NAALADL2: variants seen among roughly 807,000 people sequenced by gnomAD.
NAALADL2 encodes the protein inactive N-acetylated-alpha-linked acidic dipeptidase-like protein 2.
In NAALADL2, 76 loss-of-function variants were observed where a neutral mutation model predicts 87.2. The ratio of observed to expected loss-of-function variants is 0.87; its 90% CI spans 0.72 to 1.05. NAALADL2 has a LOEUF of 1.05. Ranked by LOEUF, NAALADL2 falls within the 50% of genes least tolerant of loss-of-function variation. The pLI, the probability that NAALADL2 is intolerant of heterozygous loss-of-function variation, is 0.00. For synonymous variants in NAALADL2, 354 were observed against 331.0 expected, an observed-to-expected ratio of 1.07 and a Z score of -0.75; for missense variants, 1,089 against 945.8, an observed-to-expected ratio of 1.15 and a Z score of -1.99.
intron 1 of NAALADL2, among the ~76,000 whole-genome samples, chr3:174,449,194 T>C (rs1715289473): frequency 6.6e-6 from 1 of 152,184 alleles, no homozygotes; most frequent in Admixed American, 6.5e-5. Context: ...GTGACTAATC[T>C]TTGTGTATGT....
At position 175,267,473 on chromosome 3, in the gene NAALADL2, A is replaced by G. The variant is rs566031155; in HGVS notation, c.939+10943A>G. ...ACTCAGAGCTCCCCAAACCTTCTTCAGTTTTGAGTAATGCCTGACTCATAG... is the reference window on the plus strand; with the variant it reads ...ACTCAGAGCTCCCCAAACCTTCTTCGGTTTTGAGTAATGCCTGACTCATAG... On this transcript the variant is annotated intron_variant, in intron 4 of 13. Coordinates refer to ENST00000454872, the MANE Select transcript of NAALADL2 (RefSeq NM_207015.3). Among the ~76,000 whole-genome samples, 52 of 152,232 alleles carry G rather than the reference A, an allele frequency of 3.4e-4. 1 individual carries two copies. The highest frequency in any genetic ancestry group is 1.2e-3 in the African/African-American group (49 of 41,564).
chr3:175,131,495 A>C (rs1337942456), intron 2 of NAALADL2, among the ~76,000 whole-genome samples: 2 of 152,178 alleles, frequency 1.3e-5, no homozygotes, highest in African/African-American at 2.4e-5. Context: ...ACAGGATAAT[A>C]ATTTTTCTTA....
intron 9 of NAALADL2, among the ~76,000 whole-genome samples, chr3:175,567,414 T>A (rs2149530982): frequency 6.6e-6 from 1 of 152,162 alleles, no homozygotes; most frequent in South Asian, 2.1e-4. Context: ...CTTAAAGCAC[T>A]CATTAGTACA....
chr3:175,640,297 G>A (rs1729110175), intron 11 of NAALADL2, among the ~76,000 whole-genome samples: 1 of 152,102 alleles, frequency 6.6e-6, no homozygotes, highest in Non-Finnish European at 1.5e-5. Context: ...AGTGATTTAA[G>A]CATGAGAGAC....
chr3:174,969,082 G>A (rs1743263682), intron 1 of NAALADL2, among the ~76,000 whole-genome samples: 1 of 152,128 alleles, frequency 6.6e-6, no homozygotes, highest in Non-Finnish European at 1.5e-5. Context: ...GGCTCTGACT[G>A]TAACACAGGT....
intron 1 of NAALADL2, among the ~76,000 whole-genome samples, chr3:174,933,131 G>C (rs978049357): frequency 3.3e-5 from 5 of 152,082 alleles, no homozygotes; most frequent in Non-Finnish European, 5.9e-5. Context: ...AAGAAAAATT[G>C]TAATAGAAAA....
chr3:174,524,551 T>C (rs1578082720), intron 1 of NAALADL2, among the ~76,000 whole-genome samples: 2 of 152,176 alleles, frequency 1.3e-5, no homozygotes, highest in East Asian at 1.9e-4. Flanking sequence ...CCATAAAATA[T>C]ATTGTTTTTT....
intron 1 of NAALADL2, among the ~76,000 whole-genome samples, chr3:174,467,628 C>G (rs1716619419): frequency 1.5e-5 from 2 of 137,072 alleles, no homozygotes; most frequent in Non-Finnish European, 3.1e-5. Flanking sequence ...AAAAAAGAAC[C>G]TGAATAACGA....
intron 10 of NAALADL2, among the ~76,000 whole-genome samples, chr3:175,587,413 A>T (rs1720692871): frequency 6.6e-6 from 1 of 152,160 alleles, no homozygotes; most frequent in South Asian, 2.1e-4. Context: ...AACTGATTAA[A>T]CTTGATATTT....
chr3:175,012,978 T>TATATATAC (rs1365298953), intron 1 of NAALADL2, among the ~76,000 whole-genome samples: 4 of 137,070 alleles, frequency 2.9e-5, no homozygotes, highest in African/African-American at 8.6e-5. Context: ...TATATATATA[T>TATATATAC]ACACAAAAAT....
intron 2 of NAALADL2, among the ~76,000 whole-genome samples, chr3:174,552,019 T>C (rs1712186725): frequency 6.6e-6 from 1 of 152,202 alleles, no homozygotes; most frequent in Non-Finnish European, 1.5e-5. Flanking sequence ...ATTCCTCTTT[T>C]ACAGTTGTTT....
At position 175,572,711 on chromosome 3, in the gene NAALADL2, G is replaced by A. The variant is rs941937949; in HGVS notation, c.1654-3330G>A. Among the ~76,000 whole-genome samples the A allele has an allele frequency of 2.6e-5, 4 of 152,286 alleles. No individual in the cohort carries two copies. The South Asian group carries it at 6.2e-4, about 24-fold the overall frequency. Reference sequence around the variant, plus strand: ...AGAGACTAGAAGAGAACTCACAGTGGCTTCAGAAATAACAGGCTGAGGCTA... The same window carrying A: ...AGAGACTAGAAGAGAACTCACAGTGACTTCAGAAATAACAGGCTGAGGCTA... On this transcript the variant is annotated intron_variant, in intron 9 of 13. Transcript: ENST00000454872.
chr3:174,487,597 A>G (rs184226317), intron 1 of NAALADL2, among the ~76,000 whole-genome samples: 1 of 152,016 alleles, frequency 6.6e-6, no homozygotes, highest in South Asian at 2.1e-4. Flanking sequence ...GTGGCATTTG[A>G]TATGGATTGG....
chr3:175,305,595 T>C (rs1757616847), intron 4 of NAALADL2, among the ~76,000 whole-genome samples: 2 of 152,146 alleles, frequency 1.3e-5, no homozygotes, highest in South Asian at 4.1e-4. Context: ...CAATCTCGGC[T>C]CACCGCAACC....
intron 13 of NAALADL2, among the ~76,000 whole-genome samples, chr3:175,780,453 A>T (rs1211176983): frequency 6.6e-6 from 1 of 152,166 alleles, no homozygotes; most frequent in Non-Finnish European, 1.5e-5. Flanking sequence ...ATATACACAC[A>T]TATCTCAAAA....
chr3:175,688,987 A>G (rs1421083565), intron 11 of NAALADL2, among the ~76,000 whole-genome samples: 2 of 152,224 alleles, frequency 1.3e-5, no homozygotes. Flanking sequence ...AGGCCTGCTC[A>G]GTAAAGCTTT....
intron 9 of NAALADL2, among the ~76,000 whole-genome samples, chr3:175,559,324 G>C (rs1362232153): frequency 1.3e-5 from 2 of 151,796 alleles, no homozygotes; most frequent in Non-Finnish European, 2.9e-5. Flanking sequence ...AAAGTTTGTT[G>C]TTGTTGTTGT....
chr3:174,774,923 G>T (rs936770396), intron 3 of NAALADL2, among the ~76,000 whole-genome samples: 1 of 152,046 alleles, frequency 6.6e-6, no homozygotes, highest in Non-Finnish European at 1.5e-5. Flanking sequence ...TACATACTTG[G>T]CTGTTGGTTT....
At chr3:174,859,559 G>A in intron 1 of NAALADL2, 109 bp downstream of exon 1, 1 of 813,620 alleles carries the variant, frequency 1.2e-6, no homozygotes, top group Non-Finnish European at 2.0e-6. Flanking sequence ...ATCCCTGCAT[G>A]CATGTTCAGG....
Sources: gnomAD v4.1 joint callset for allele counts (sites outside exome capture counted in the v4.1 genomes callset) on GRCh38, gnomAD v4.1.1 for gene constraint, MANE v1.5 for transcripts, NCBI Gene and HGNC (gene_info 2026-07-23, HGNC 2026-07-21) for gene names.